Variants in DMD observed in about 807,000 individuals in gnomAD.
DMD encodes the protein dystrophin.
Under a neutral mutation model 330.1 loss-of-function variants are expected in DMD, and 63 were observed. That is an observed-to-expected ratio of 0.19 (90% CI 0.16 to 0.24). The LOEUF is 0.24. DMD is among the 10% of genes least tolerant of loss of function. The probability of loss-of-function intolerance (pLI) is 1.00; values close to 1 mark genes in which losing one functional copy is unlikely to be tolerated. For missense variants in DMD, 3,344 were observed against 2,684.1 expected (o/e 1.25, Z -5.43); for synonymous variants, 1,223 against 959.8 (o/e 1.27, Z -5.07).
intron 1 of DMD, among the ~76,000 whole-genome samples, chrX:33,306,008 C>T (rs2148943595): frequency 8.9e-6 from 1 of 111,951 alleles, no homozygotes; most frequent in South Asian, 3.7e-4. Context: ...AATACAAACA[C>T]ATTTTCTAAG....
At chrX:32,649,568 A>C (rs1374146478) in intron 9 of DMD, among the ~76,000 whole-genome samples, 1 of 105,943 alleles carries the variant, frequency 9.4e-6, no homozygotes, top group African/African-American at 3.5e-5. Flanking sequence ...TTAAAAAAAA[A>C]AAAAAAAAAA....
At chrX:32,759,846 G>T (rs1203918502) in intron 7 of DMD, among the ~76,000 whole-genome samples, 32 of 4,036 alleles carry the variant, frequency 7.9e-3, no homozygotes, top group Non-Finnish European at 0.022. Context: ...TTTTTCTTGG[G>T]GGGGGGGGGG....
At chrX:33,158,874 C>T (rs866796935) in intron 1 of DMD, among the ~76,000 whole-genome samples, 1 of 112,057 alleles carries the variant, frequency 8.9e-6, no homozygotes, top group African/African-American at 3.2e-5. Flanking sequence ...ATCAAACTGA[C>T]ATTTTAAATG....
chrX:32,246,760 T>G (rs962055402), intron 43 of DMD, among the ~76,000 whole-genome samples: 2 of 109,549 alleles, frequency 1.8e-5, no homozygotes, highest in Non-Finnish European at 3.8e-5. Flanking sequence ...TAGAGGTGTT[T>G]GTAGTATTCT....
At chrX:31,242,410 CTGAG>C (rs947184101) in intron 63 of DMD, among the ~76,000 whole-genome samples, 1 of 109,521 alleles carries the variant, frequency 9.1e-6, no homozygotes, top group Admixed American at 9.8e-5. Flanking sequence ...TTTACTTTAC[CTGAG>C]TATTACAAAA....
chrX:33,014,517 G>A, intron 2 of DMD, among the ~76,000 whole-genome samples: 1 of 111,381 alleles, frequency 9.0e-6, no homozygotes, highest in Admixed American at 9.6e-5. Flanking sequence ...AGATTGTTGG[G>A]GTTACTAGTT....
chrX:32,431,161 G>C (rs1407063074), intron 29 of DMD, among the ~76,000 whole-genome samples: 1 of 110,075 alleles, frequency 9.1e-6, no homozygotes, highest in Non-Finnish European at 1.9e-5. Context: ...CATAGTGTCA[G>C]CATGAATTAA....
At chrX:33,318,060 G>C (rs1216339085) in intron 1 of DMD, among the ~76,000 whole-genome samples, 1 of 110,919 alleles carries the variant, frequency 9.0e-6, no homozygotes, top group Admixed American at 9.6e-5. Flanking sequence ...TGATTAAGTG[G>C]AGTGATAACA....
At chrX:31,482,017 T>A in intron 57 of DMD, among the ~76,000 whole-genome samples, 1 of 110,759 alleles carries the variant, frequency 9.0e-6, no homozygotes, top group Non-Finnish European at 1.9e-5. Flanking sequence ...CTCCCACTTA[T>A]GGAGTACCCA....
intron 48 of DMD, among the ~76,000 whole-genome samples, chrX:31,845,375 G>GTCTCTCTCTC (rs535397626): frequency 0.026 from 1,537 of 59,915 alleles, 134 homozygotes; most frequent in Admixed American, 0.055. Flanking sequence ...ACAGAATAAA[G>GTCTCTCTCTC]TCTCTCTCTC....
chrX:31,155,649 A>G (rs1360866974), intron 74 of DMD, among the ~76,000 whole-genome samples: 1 of 111,695 alleles, frequency 9.0e-6, no homozygotes, highest in Admixed American at 9.5e-5. Context: ...TGCAAGCAAG[A>G]TGAACTTTAA....
At chrX:32,782,756 G>A in intron 7 of DMD, among the ~76,000 whole-genome samples, 1 of 109,769 alleles carries the variant, frequency 9.1e-6, no homozygotes, top group Non-Finnish European at 1.9e-5. Flanking sequence ...CTTCAAGAGT[G>A]TAATTAGTTT....
intron 51 of DMD, among the ~76,000 whole-genome samples, chrX:31,732,969 T>A (rs972347612): frequency 1.8e-5 from 2 of 111,487 alleles, no homozygotes; most frequent in South Asian, 7.5e-4. Context: ...ATGGATCGTG[T>A]CTACATGGAT....
intron 1 of DMD, among the ~76,000 whole-genome samples, chrX:33,335,874 T>A (rs1300575593): frequency 1.8e-5 from 2 of 111,091 alleles, no homozygotes; most frequent in Non-Finnish European, 3.8e-5. Flanking sequence ...GACTCTTATG[T>A]CAAACAGCAA....
intron 30 of DMD, among the ~76,000 whole-genome samples, chrX:32,411,196 T>C (rs781647236): frequency 1.0e-3 from 114 of 111,691 alleles, no homozygotes; most frequent in African/African-American, 3.6e-3. Flanking sequence ...AGTGGTGCAA[T>C]CTCGGCTCAC....
chrX:31,266,159 C>CAAAAAA lies in DMD; in HGVS notation c.9225-5149_9225-5144dup, dbSNP rs1174153877. Among the ~76,000 whole-genome samples the CAAAAAA allele has an allele frequency of 5.1e-3, 68 of 13,333 alleles. 16 individuals are homozygous for CAAAAAA. The highest frequency in any genetic ancestry group is 0.022 in the African/African-American group (59 of 2,694). The allele number at this position is 13,333 out of a possible 115,157, so 11.6% of individuals were successfully genotyped here. On this transcript the variant is annotated intron_variant, in intron 62 of 78. Transcript: ENST00000357033. Reference sequence around the variant, plus strand: ...TGACTCCACACCCAATCCCGAAGGGCAAAAAAAAAAAAAAAAAAAAAAAAG... The same window carrying CAAAAAA: ...TGACTCCACACCCAATCCCGAAGGGCAAAAAAAAAAAAAAAAAAAAAAAAAAAAAAG...
At position 32,412,386 on chromosome X, in the gene DMD, A is replaced by T. The variant is rs56094071; in HGVS notation, c.4072-473T>A. 22,232 of 156,349 alleles carry T rather than the reference A, an allele frequency of 0.14. 1,285 individuals are homozygous for T. The highest frequency in any genetic ancestry group is 0.22 in the African/African-American group (6,775 of 31,412). The allele number at this position is 156,349 out of a possible 1,213,427, so 12.9% of individuals were successfully genotyped here. A position where few individuals can be genotyped will look rare whatever the true frequency, so the allele number is the denominator to read the frequency against. The stretch of plus-strand genomic sequence containing the variant: ...AGAATCAGCTCCTTGTCAAAAACAG[A>T]ATTTTAGATAACAGTCTGGTTAAAG... On this transcript the variant is annotated intron_variant, in intron 29 of 78. Coordinates refer to ENST00000357033, the MANE Select transcript of DMD (RefSeq NM_004006.3).
At chrX:32,235,733 C>T (rs746155880) in intron 43 of DMD, among the ~76,000 whole-genome samples, 1 of 111,461 alleles carries the variant, frequency 9.0e-6, no homozygotes, top group South Asian at 3.7e-4. Flanking sequence ...GTGGCCTTCA[C>T]TTTGTTTTCA....
chrX:31,502,296 A>C (rs1406437950), intron 56 of DMD, among the ~76,000 whole-genome samples: 1 of 111,644 alleles, frequency 9.0e-6, no homozygotes, highest in Non-Finnish European at 1.9e-5. Flanking sequence ...AATAGAGAGA[A>C]TCCCAAAGAG....
Sources: gnomAD v4.1 joint callset for allele counts (sites outside exome capture counted in the v4.1 genomes callset) on GRCh38, gnomAD v4.1.1 for gene constraint, MANE v1.5 for transcripts, NCBI Gene and HGNC (gene_info 2026-07-23, HGNC 2026-07-21) for gene names.